ROBO1: variants seen among roughly 807,000 people sequenced by gnomAD.
ROBO1 encodes roundabout homolog 1.
Under a neutral mutation model 195.9 loss-of-function variants are expected in ROBO1, and 149 were observed. The observed-to-expected ratio is 0.76, with a 90% CI of 0.67 to 0.87. The LOEUF (loss-of-function observed/expected upper bound fraction) is 0.87, where lower values mean the gene tolerates loss of function less well. Among genes scored for constraint, ROBO1 ranks in the 40% least tolerant of loss-of-function variants. ROBO1 has a pLI of 0.00. For missense variants in ROBO1, 1,933 were observed against 2,068.3 expected (o/e 0.93, Z 1.27); for synonymous variants, 816 against 733.2 (o/e 1.11, Z -1.82).
chr3:79,244,366 G>C (rs545357466), intron 2 of ROBO1, among the ~76,000 whole-genome samples: 1 of 152,222 alleles, frequency 6.6e-6, no homozygotes, highest in East Asian at 1.9e-4. Flanking sequence ...ATTTCACACT[G>C]ACAGCCCTTA....
chr3:78,747,566 T>A (rs1262196182), intron 4 of ROBO1, among the ~76,000 whole-genome samples: 1 of 152,164 alleles, frequency 6.6e-6, no homozygotes, highest in Non-Finnish European at 1.5e-5. Context: ...ATCACTTTTA[T>A]GTTCTATGTT....
At chr3:78,814,304 T>G (rs1356683688) in intron 4 of ROBO1, among the ~76,000 whole-genome samples, 1 of 152,044 alleles carries the variant, frequency 6.6e-6, no homozygotes, top group Non-Finnish European at 1.5e-5. Flanking sequence ...TGAAATTAAT[T>G]TTATATATTT....
chr3:78,892,240 C>A (rs769229205), intron 4 of ROBO1, among the ~76,000 whole-genome samples: 2 of 152,098 alleles, frequency 1.3e-5, no homozygotes. Context: ...GAAGTGCAAA[C>A]CCTATTGTGA....
rs1163398201 is a variant in ROBO1 at position 79,111,979 on chromosome 3, G to C, written c.172+13477C>G. Among the ~76,000 whole-genome samples the C allele has an allele frequency of 2.0e-5, 3 of 152,118 alleles. No homozygotes were observed. In the East Asian group the frequency reaches 5.8e-4, roughly 29 times the overall value. ...AAGATGTTTTTCTAAGTGTAACATAGTGCAAAAAATGTGAAGTACCTCAAT... is the reference window on the plus strand; with the variant it reads ...AAGATGTTTTTCTAAGTGTAACATACTGCAAAAAATGTGAAGTACCTCAAT... On this transcript the variant is annotated intron_variant, in intron 3 of 30. Transcript: ENST00000464233.
chr3:79,177,488 C>A (rs1453475921), intron 2 of ROBO1, among the ~76,000 whole-genome samples: 1 of 152,172 alleles, frequency 6.6e-6, no homozygotes, highest in Non-Finnish European at 1.5e-5. Flanking sequence ...CCCCTGCCAC[C>A]CTTCACTTCT....
At chr3:78,905,546 G>C (rs1191371424) in intron 4 of ROBO1, among the ~76,000 whole-genome samples, 1 of 152,056 alleles carries the variant, frequency 6.6e-6, no homozygotes, top group Non-Finnish European at 1.5e-5. Flanking sequence ...TTTAGCTAGG[G>C]AGATGGAGGC....
intron 2 of ROBO1, among the ~76,000 whole-genome samples, chr3:79,342,528 T>C (rs2034948556): frequency 1.3e-5 from 2 of 152,214 alleles, no homozygotes; most frequent in Admixed American, 6.5e-5. Flanking sequence ...TTTAATGTGA[T>C]ACTTTCAGTG....
chr3:79,606,293 T>C (rs978947884), intron 1 of ROBO1, among the ~76,000 whole-genome samples: 1 of 151,920 alleles, frequency 6.6e-6, no homozygotes, highest in Non-Finnish European at 1.5e-5. Flanking sequence ...GGCTCCCTCA[T>C]GTGTTCTCAT....
chr3:79,229,195 T>C (rs991818794), intron 2 of ROBO1, among the ~76,000 whole-genome samples: 10 of 152,168 alleles, frequency 6.6e-5, no homozygotes, highest in Admixed American at 4.6e-4. Flanking sequence ...CAATTCTAAA[T>C]GCATTGCTTT....
At position 78,600,325 on chromosome 3, in the gene ROBO1, T is replaced by C; in HGVS notation, c.4745-16A>G. The C allele has an allele frequency of 6.5e-7, 1 of 1,527,968 alleles. No individual in the cohort carries two copies. Among genetic ancestry groups the C allele is most frequent in the African/African-American group, 1.4e-5 (1 of 73,104 alleles). 94.7% of individuals were successfully genotyped at this position (1,527,968 alleles called of 1,614,324 possible). ...AGAATATCCTCTGTGTAATGAAATA[T>C]AATAAATGCAGGTGAGTACCATCAT... On this transcript the variant is annotated splice_polypyrimidine_tract_variant and intron_variant, in intron 29 of 30. Transcript: ENST00000464233.
At chr3:79,337,236 C>T (rs2034713602) in intron 2 of ROBO1, among the ~76,000 whole-genome samples, 1 of 152,126 alleles carries the variant, frequency 6.6e-6, no homozygotes, top group African/African-American at 2.4e-5. Context: ...AAGGTGAGGA[C>T]ATGAGATTTG....
chr3:79,512,920 GA>G (rs1374653355), intron 2 of ROBO1: 1 of 152,086 alleles, frequency 6.6e-6, no homozygotes, highest in Non-Finnish European at 1.5e-5. Flanking sequence ...AAGAGAAACA[GA>G]AAAAGTCATG....
intron 3 of ROBO1, among the ~76,000 whole-genome samples, chr3:78,974,690 G>A (rs1394522932): frequency 2.0e-5 from 3 of 152,122 alleles, no homozygotes; most frequent in Non-Finnish European, 4.4e-5. Context: ...GGGTTTAACA[G>A]GTGAAGAGAT....
intron 1 of ROBO1, among the ~76,000 whole-genome samples, chr3:79,604,162 G>A (rs190963188): frequency 6.6e-6 from 1 of 151,918 alleles, no homozygotes; most frequent in Admixed American, 6.6e-5. Context: ...TTGTCCTTGA[G>A]TTACTCCTAT....
intron 2 of ROBO1, among the ~76,000 whole-genome samples, chr3:79,240,014 AT>A: frequency 6.6e-6 from 1 of 152,292 alleles, no homozygotes; most frequent in Non-Finnish European, 1.5e-5. Context: ...TAATTAACAT[AT>A]CCATTACCTC....
chr3:79,662,207 T>C (rs911838144), intron 1 of ROBO1, among the ~76,000 whole-genome samples: 6 of 152,060 alleles, frequency 3.9e-5, no homozygotes, highest in Admixed American at 2.0e-4. Flanking sequence ...AAGATTTAAC[T>C]TCACATTGAA....
intron 3 of ROBO1, among the ~76,000 whole-genome samples, chr3:79,047,758 C>T (rs2078622095): frequency 2.0e-5 from 3 of 151,988 alleles, no homozygotes; most frequent in Non-Finnish European, 2.9e-5. Flanking sequence ...CCATTCCTCC[C>T]GAAACCTTGA....
chr3:79,041,747 A>G (rs889796999), intron 3 of ROBO1, among the ~76,000 whole-genome samples: 1 of 152,164 alleles, frequency 6.6e-6, no homozygotes, highest in Non-Finnish European at 1.5e-5. Context: ...AAATGGGAGG[A>G]AACAATGCTG....
intron 2 of ROBO1, among the ~76,000 whole-genome samples, chr3:79,192,030 T>C (rs2081549868): frequency 1.3e-5 from 2 of 151,610 alleles, no homozygotes; most frequent in African/African-American, 4.8e-5. Flanking sequence ...CAGGAGAATA[T>C]ATAGTTATTT....
Sources: gnomAD v4.1 joint callset for allele counts (sites outside exome capture counted in the v4.1 genomes callset) on GRCh38, gnomAD v4.1.1 for gene constraint, MANE v1.5 for transcripts, NCBI Gene and HGNC (gene_info 2026-07-23, HGNC 2026-07-21) for gene names.